XXYLT1: variants seen among roughly 807,000 people sequenced by gnomAD.
XXYLT1 encodes UDP-xylose:alpha-xyloside alpha-1,3-xylosyltransferase.
XXYLT1 carries 20 observed loss-of-function variants against 28.9 expected under a neutral mutation model. The observed-to-expected ratio is 0.69, with a 90% confidence interval of 0.49 to 1.00. XXYLT1 has a LOEUF of 1.00. XXYLT1 is among the 50% of genes least tolerant of loss of function. The pLI, the probability that XXYLT1 is intolerant of heterozygous loss-of-function variation, is 0.00. For synonymous variants in XXYLT1, 257 were observed against 253.8 expected, an observed-to-expected ratio of 1.01 and a Z score of -0.12; for missense variants, 542 against 560.1, an observed-to-expected ratio of 0.97 and a Z score of 0.33.
rs778893352 is a variant in XXYLT1, at chr3:195,209,303, T to A, written c.652+17406A>T. Reference sequence around the variant, plus strand: ...GACAAGCCGCTCTCAAACTGTCTTGTCATCGAGTGCCACACCCGCTGGACC... The same window carrying A: ...GACAAGCCGCTCTCAAACTGTCTTGACATCGAGTGCCACACCCGCTGGACC... On this transcript the variant is annotated intron_variant, in intron 2 of 3. Coordinates refer to ENST00000310380, the MANE Select transcript of XXYLT1 (RefSeq NM_152531.5). The surrounding 1 kb of genome is among the most constrained non-coding windows in gnomAD (Gnocchi z 5.0). The A allele has an allele frequency of 3.3e-5, 5 of 152,356 alleles. No individual in the cohort carries two copies. The highest frequency in any genetic ancestry group is 5.9e-5 in the Non-Finnish European group (4 of 68,138). 9.4% of individuals were successfully genotyped at this position (152,356 alleles called of 1,614,324 possible).
chr3:195,131,111 G>A (rs77500695), intron 3 of XXYLT1, among the ~76,000 whole-genome samples: 3,435 of 152,168 alleles, frequency 0.023, 138 homozygotes, highest in African/African-American at 0.079. Context: ...CCCTTGTGCC[G>A]GCCTGCTCCA....
Position 195,223,085 on chromosome 3 carries a change from T to G in XXYLT1, c.652+3624A>C, listed in dbSNP as rs1723899247. 6.0e-5 allele frequency among the ~76,000 whole-genome samples: 9 copies of G among 150,778 alleles called. No individual in the cohort carries two copies. The South Asian group carries it at 1.9e-3, about 32-fold the overall frequency. ...CTAAAAATACAAAAAAAAAAAAAAT[T>G]AGCCGGACATGGTGGCGGGTGCCTG... On this transcript the variant is annotated intron_variant, in intron 2 of 3. Transcript: ENST00000310380.
chr3:195,206,674 C>T (rs997956789), intron 2 of XXYLT1, among the ~76,000 whole-genome samples: 9 of 151,632 alleles, frequency 5.9e-5, no homozygotes, highest in African/African-American at 2.2e-4. Context: ...GAGGCTGAGG[C>T]AGGAGAGTCA....
chr3:195,085,497 G>A (rs1242942912), intron 3 of XXYLT1, among the ~76,000 whole-genome samples: 3 of 152,210 alleles, frequency 2.0e-5, no homozygotes, highest in South Asian at 2.1e-4. Flanking sequence ...CAGAGACCGC[G>A]GTGGGAGGGG....
chr3:195,074,970 G>A (rs991526709), intron 3 of XXYLT1, among the ~76,000 whole-genome samples: 8 of 152,230 alleles, frequency 5.3e-5, no homozygotes, highest in Non-Finnish European at 1.0e-4. Flanking sequence ...AGTGTTCCCA[G>A]GCCGGGAGCG....
At chr3:195,235,103 G>A (rs1340556006) in intron 1 of XXYLT1, among the ~76,000 whole-genome samples, 3 of 150,922 alleles carry the variant, frequency 2.0e-5, no homozygotes, top group Admixed American at 1.3e-4. Context: ...TTCTTTTCTC[G>A]CTCTCTTGCT....
At chr3:195,085,504 G>C (rs956362597) in intron 3 of XXYLT1, among the ~76,000 whole-genome samples, 6 of 152,194 alleles carry the variant, frequency 3.9e-5, no homozygotes, top group African/African-American at 1.4e-4. Flanking sequence ...CGCGGTGGGA[G>C]GGGGGAGTCC....
intron 2 of XXYLT1, among the ~76,000 whole-genome samples, chr3:195,211,625 T>C (rs1016493416): frequency 3.9e-5 from 6 of 152,038 alleles, no homozygotes; most frequent in African/African-American, 9.7e-5. Flanking sequence ...GTGGGGCAGA[T>C]AGATGATCAA....
chr3:195,084,443 T>C (rs1022163139), intron 3 of XXYLT1, among the ~76,000 whole-genome samples: 9 of 152,148 alleles, frequency 5.9e-5, no homozygotes, highest in African/African-American at 2.2e-4. Flanking sequence ...GGAAGCCACC[T>C]GGGCAAGGCT....
chr3:195,185,079 GA>G (rs909286679), intron 2 of XXYLT1, among the ~76,000 whole-genome samples: 1 of 102,910 alleles, frequency 9.7e-6, no homozygotes, highest in African/African-American at 5.2e-5. Flanking sequence ...AGGAAGGAAA[GA>G]AGGAAGAAGG....
At chr3:195,239,053 G>A (rs1357924750) in intron 1 of XXYLT1, among the ~76,000 whole-genome samples, 7 of 152,188 alleles carry the variant, frequency 4.6e-5, no homozygotes, top group East Asian at 1.9e-4. Context: ...GACTTCTGAG[G>A]ACAAACTGTA....
intron 2 of XXYLT1, among the ~76,000 whole-genome samples, chr3:195,204,017 T>C (rs776230845): frequency 6.6e-6 from 1 of 152,206 alleles, no homozygotes; most frequent in Non-Finnish European, 1.5e-5. Flanking sequence ...TTGCTTCTAA[T>C]AGAGCTTAGA....
At chr3:195,223,103 G>C (rs112197210) in intron 2 of XXYLT1, among the ~76,000 whole-genome samples, 5 of 151,892 alleles carry the variant, frequency 3.3e-5, no homozygotes, top group Admixed American at 1.3e-4. Context: ...CATGGTGGCG[G>C]GTGCCTGTAA....
intron 1 of XXYLT1, among the ~76,000 whole-genome samples, chr3:195,239,915 C>T (rs190600179): frequency 3.5e-4 from 54 of 152,298 alleles, no homozygotes; most frequent in Admixed American, 3.1e-3. Flanking sequence ...AATGACATTT[C>T]TCAAAGTAGG....
intron 3 of XXYLT1, chr3:195,094,174 G>A (rs1373406940): frequency 1.3e-5 from 2 of 152,556 alleles, no homozygotes; most frequent in African/African-American, 4.8e-5. Flanking sequence ...AACGCTGGCT[G>A]TGGACGCACC....
Position 195,257,439 on chromosome 3 carries a change from A to T in XXYLT1, c.504+13116T>A, listed in dbSNP as rs1025729619. Among the ~76,000 whole-genome samples, 1 of 152,216 alleles carries T rather than the reference A, an allele frequency of 6.6e-6. No individual in the cohort carries two copies. Among genetic ancestry groups the T allele is most frequent in the African/African-American group, 2.4e-5 (1 of 41,454 alleles). ...GTGGAGGTGAGAGGTAGGTCCCCACATAACTGGCACCGTCCGAGCTTCATC... is the reference window on the plus strand; with the variant it reads ...GTGGAGGTGAGAGGTAGGTCCCCACTTAACTGGCACCGTCCGAGCTTCATC... On this transcript the variant is annotated intron_variant, in intron 1 of 3. Transcript: ENST00000310380. This position sits in a 1 kb window ranked among gnomAD's most constrained non-coding sequence, Gnocchi z 4.3.
Position 195,143,936 on chromosome 3 carries a change from T to A in XXYLT1, c.785+12513A>T. Among the ~76,000 whole-genome samples, 2 of 145,476 alleles carry A rather than the reference T, an allele frequency of 1.4e-5. 1 individual carries two copies. The highest frequency in any genetic ancestry group is 3.0e-5 in the Non-Finnish European group (2 of 66,436). On this transcript the variant is annotated intron_variant, in intron 3 of 3. Coordinates refer to ENST00000310380, the MANE Select transcript of XXYLT1 (RefSeq NM_152531.5). ...TTTTTGAGATGGACTCTTGCTGTCA[T>A]CCAGGCTGGAGTGCAAGGGCGAGAT...
intron 1 of XXYLT1, among the ~76,000 whole-genome samples, chr3:195,247,218 G>A (rs1725059751): frequency 6.6e-6 from 1 of 152,158 alleles, no homozygotes; most frequent in African/African-American, 2.4e-5. Flanking sequence ...TGGGAGAAGA[G>A]GGCGAACGGC....
At chr3:195,270,467 T>G in intron 1 of XXYLT1, 88 bp downstream of exon 1, 1 of 1,340,862 alleles carries the variant, frequency 7.5e-7, no homozygotes, top group Non-Finnish European at 9.5e-7. Flanking sequence ...ACCCGCTAGT[T>G]CCCCGGATCC....
Sources: allele counts gnomAD v4.1 joint callset (sites outside exome capture counted in the v4.1 genomes callset), GRCh38; gene constraint gnomAD v4.1.1; non-coding constraint Gnocchi (gnomAD v3.1); transcripts MANE v1.5; gene names NCBI Gene and HGNC (gene_info 2026-07-23, HGNC 2026-07-21).